Variants in MBD5 observed in about 807,000 individuals in gnomAD.
The protein encoded by MBD5 is methyl-CpG binding domain protein 5, also known as methyl-CpG-binding domain protein 5.
MBD5 carries 13 observed loss-of-function variants against 117.3 expected under a neutral mutation model. The ratio of observed to expected loss-of-function variants is 0.11; its 90% confidence interval spans 0.07 to 0.18. The LOEUF (loss-of-function observed/expected upper bound fraction) is 0.18, where lower values mean the gene tolerates loss of function less well. Ranked by LOEUF, MBD5 falls within the 10% of genes least tolerant of loss-of-function variation. The probability of loss-of-function intolerance (pLI) is 1.00; values close to 1 mark genes in which losing one functional copy is unlikely to be tolerated. For synonymous variants in MBD5, 727 were observed against 766.4 expected, an observed-to-expected ratio of 0.95 and a Z score of 0.85; for missense variants, 1,879 against 2,093.8, an observed-to-expected ratio of 0.90 and a Z score of 2.00.
intron 1 of MBD5, among the ~76,000 whole-genome samples, chr2:148,142,972 T>C (rs539026276): frequency 6.6e-6 from 1 of 152,326 alleles, no homozygotes; most frequent in East Asian, 1.9e-4. Context: ...AATACAGACA[T>C]TGACCATTCA....
At chr2:148,478,884 TA>T (rs765638590) in intron 8 of MBD5, among the ~76,000 whole-genome samples, 2 of 152,196 alleles carry the variant, frequency 1.3e-5, no homozygotes, top group Non-Finnish European at 2.9e-5. Context: ...ATTTGCTTCT[TA>T]AAAATCTCAG....
chr2:148,460,900 T>C (rs377305019), intron 5 of MBD5, among the ~76,000 whole-genome samples: 1 of 152,158 alleles, frequency 6.6e-6, no homozygotes, highest in Non-Finnish European at 1.5e-5. Context: ...AATTCATGAA[T>C]GCTTCACATG....
intron 2 of MBD5, among the ~76,000 whole-genome samples, chr2:148,210,786 TAAAG>T (rs973218019): frequency 9.9e-5 from 15 of 152,166 alleles, no homozygotes; most frequent in Non-Finnish European, 1.9e-4. Context: ...CTATGAATAT[TAAAG>T]AAAGTATGCT....
intron 4 of MBD5, 103 bp downstream of exon 4, chr2:148,342,439 T>A (rs1702970019): frequency 6.6e-6 from 1 of 152,040 alleles, no homozygotes; most frequent in South Asian, 2.1e-4. Context: ...ATCTATAGAT[T>A]GAAATGCTGT....
intron 1 of MBD5, chr2:148,026,946 TAAAAA>T (rs1266515986): frequency 6.6e-6 from 1 of 150,668 alleles, no homozygotes; most frequent in East Asian, 2.0e-4. Context: ...AAAAAAACAG[TAAAAA>T]AAAGTTCAGT....
At chr2:148,029,983 A>C in intron 1 of MBD5, among the ~76,000 whole-genome samples, 1 of 152,202 alleles carries the variant, frequency 6.6e-6, no homozygotes, top group East Asian at 1.9e-4. Flanking sequence ...TAATATAAAA[A>C]GTTAGGGGCC....
intron 1 of MBD5, among the ~76,000 whole-genome samples, chr2:148,143,580 C>T (rs1697369317): frequency 6.6e-6 from 1 of 152,144 alleles, no homozygotes; most frequent in Non-Finnish European, 1.5e-5. Context: ...CACCCCTTAA[C>T]TCGTCATTTA....
chr2:148,028,671 A>G (rs1229183142), intron 1 of MBD5: 1 of 152,096 alleles, frequency 6.6e-6, no homozygotes, highest in Non-Finnish European at 1.5e-5. Flanking sequence ...CAATAAAAGC[A>G]AATATTGATT....
chr2:148,348,741 A>G (rs1381631782), intron 4 of MBD5, among the ~76,000 whole-genome samples: 1 of 152,018 alleles, frequency 6.6e-6, no homozygotes. Flanking sequence ...AAATATCCAC[A>G]TGGCTCTGTT....
chr2:148,359,642 T>A (rs1297426135), intron 4 of MBD5, among the ~76,000 whole-genome samples: 4 of 152,280 alleles, frequency 2.6e-5, no homozygotes, highest in African/African-American at 7.2e-5. Context: ...TTTAGTGCCA[T>A]TAAAAAAATA....
chr2:148,301,214 C>T (rs1701770577), intron 3 of MBD5, among the ~76,000 whole-genome samples: 1 of 152,042 alleles, frequency 6.6e-6, no homozygotes, highest in South Asian at 2.1e-4. Flanking sequence ...ACATTCTAGG[C>T]AGAAAAGCAT....
In MBD5 at chr2:148,113,090, A is replaced by G. The variant is rs371497765; in HGVS notation, c.-924-65610A>G. ...CTTCTACTTTAGCGTACAGTGAGTC[A>G]GCCATGCCCCTCATTATTATGTGGC... On this transcript the variant is annotated intron_variant, in intron 1 of 13. Coordinates refer to ENST00000642680, the MANE Select transcript of MBD5 (RefSeq NM_001378120.1). Among the ~76,000 whole-genome samples the G allele has an allele frequency of 4.6e-5, 7 of 152,328 alleles. No individual in the cohort carries two copies. The East Asian group carries it at 1.4e-3, about 29-fold the overall frequency.
chr2:148,401,300 C>T (rs185668713), intron 4 of MBD5, among the ~76,000 whole-genome samples: 5 of 152,114 alleles, frequency 3.3e-5, no homozygotes, highest in East Asian at 3.9e-4. Flanking sequence ...TTCAGCAGCA[C>T]GGTTTAAAGC....
intron 11 of MBD5, among the ~76,000 whole-genome samples, chr2:148,496,152 A>G (rs908661718): frequency 6.6e-5 from 10 of 152,094 alleles, no homozygotes; most frequent in African/African-American, 2.2e-4. Flanking sequence ...TTTTCTCTCT[A>G]CCATAGCATC....
In MBD5 at chr2:148,333,693, T is replaced by A. The variant is rs568610868; in HGVS notation, c.-679-8521T>A. ...CCTGTCTCTGCTGAAAAAAAAAAAATAAATAAATACAAAAATTAGCCAGGT... is the reference window on the plus strand; with the variant it reads ...CCTGTCTCTGCTGAAAAAAAAAAAAAAAATAAATACAAAAATTAGCCAGGT... On this transcript the variant is annotated intron_variant, in intron 3 of 13. Transcript: ENST00000642680. 8.5e-3 allele frequency among the ~76,000 whole-genome samples: 1,259 copies of A among 147,802 alleles called. 24 individuals are homozygous for A. Among genetic ancestry groups the A allele is most frequent in the African/African-American group, 0.03 (1,198 of 39,892 alleles).
At chr2:148,171,127 C>G (rs1698252292) in intron 1 of MBD5, among the ~76,000 whole-genome samples, 1 of 152,106 alleles carries the variant, frequency 6.6e-6, no homozygotes, top group South Asian at 2.1e-4. Context: ...CTTTCAAACT[C>G]TTTTTATGAG....
At chr2:148,292,814 G>A (rs564274961) in intron 3 of MBD5, among the ~76,000 whole-genome samples, 1 of 152,006 alleles carries the variant, frequency 6.6e-6, no homozygotes, top group South Asian at 2.1e-4. Context: ...AGATTCGGGA[G>A]CAAGCTAAGT....
chr2:148,513,325 T>A lies in MBD5; in HGVS notation c.*384T>A. Reference sequence around the variant, plus strand: ...GTAAATATTGTACAGTATTGTCATGTACAAGCGTACCTAATGCACACTTTA... The same window carrying A: ...GTAAATATTGTACAGTATTGTCATGAACAAGCGTACCTAATGCACACTTTA... On this transcript the variant is annotated 3_prime_UTR_variant, in exon 14 of 14. Coordinates refer to ENST00000642680, the MANE Select transcript of MBD5 (RefSeq NM_001378120.1). The A allele has an allele frequency of 4.3e-6, 1 of 232,954 alleles. No homozygotes were observed. The highest frequency in any genetic ancestry group is 1.0e-4 in the East Asian group (1 of 9,752). The allele number at this position is 232,954 out of a possible 1,614,324, so 14.4% of individuals were successfully genotyped here.
At chr2:148,153,803 G>C (rs1416807281) in intron 1 of MBD5, among the ~76,000 whole-genome samples, 2 of 128,184 alleles carry the variant, frequency 1.6e-5, no homozygotes, top group East Asian at 4.6e-4. Flanking sequence ...GCTCCTTTAA[G>C]CACTTCTCTG....
Sources: allele counts gnomAD v4.1 joint callset (sites outside exome capture counted in the v4.1 genomes callset), GRCh38; gene constraint gnomAD v4.1.1; transcripts MANE v1.5; gene names NCBI Gene and HGNC (gene_info 2026-07-23, HGNC 2026-07-21).